Variants in PTPRD observed in about 807,000 individuals in gnomAD.
PTPRD encodes the protein receptor-type tyrosine-protein phosphatase delta.
In PTPRD, 34 loss-of-function variants were observed where a neutral mutation model predicts 214.5. The ratio of observed to expected loss-of-function variants is 0.16; its 90% CI spans 0.12 to 0.21. The LOEUF (loss-of-function observed/expected upper bound fraction) is 0.21. Ranked by LOEUF, PTPRD falls within the 10% of genes least tolerant of loss-of-function variation. The probability of loss-of-function intolerance (pLI) is 1.00; values close to 1 mark genes in which losing one functional copy is unlikely to be tolerated. For missense variants in PTPRD, 2,545 were observed against 2,398.7 expected (o/e 1.06, Z -1.27); for synonymous variants, 1,128 against 845.7 (o/e 1.33, Z -5.79).
chr9:9,451,243 A>T (rs2092088884), intron 8 of PTPRD, among the ~76,000 whole-genome samples: 1 of 151,746 alleles, frequency 6.6e-6, no homozygotes, highest in African/African-American at 2.4e-5. Context: ...TAAATCTGAG[A>T]ACCTAAGGAA....
chr9:9,556,573 C>G (rs1188701098), intron 8 of PTPRD, among the ~76,000 whole-genome samples: 1 of 152,166 alleles, frequency 6.6e-6, no homozygotes, highest in East Asian at 1.9e-4. Context: ...TGCCTGGTGC[C>G]TTCCCACATT....
chr9:9,690,180 A>T (rs1228544695), intron 7 of PTPRD, among the ~76,000 whole-genome samples: 1 of 151,792 alleles, frequency 6.6e-6, no homozygotes, highest in African/African-American at 2.4e-5. Flanking sequence ...GATATAAGCC[A>T]TTTTAAGTGG....
At chr9:10,459,440 G>A (rs902917094) in intron 2 of PTPRD, among the ~76,000 whole-genome samples, 9 of 152,042 alleles carry the variant, frequency 5.9e-5, no homozygotes, top group African/African-American at 1.9e-4. Context: ...TGGGTCAAAT[G>A]GTATTACTGG....
At chr9:9,261,600 C>T (rs1339339652) in intron 9 of PTPRD, among the ~76,000 whole-genome samples, 2 of 151,180 alleles carry the variant, frequency 1.3e-5, no homozygotes, top group Non-Finnish European at 3.0e-5. Context: ...TGGTAGAAAG[C>T]AAACCTCTAA....
rs539767972 is a variant in PTPRD at position 9,828,862 on chromosome 9, G to C, written c.-367-62011C>G. ...AAGAAGATAACCACAAAATGTATTAGATGGTGCTCACTTCCATTTAACTCT... is the reference window on the plus strand; with the variant it reads ...AAGAAGATAACCACAAAATGTATTACATGGTGCTCACTTCCATTTAACTCT... On this transcript the variant is annotated intron_variant, in intron 5 of 45. Transcript: ENST00000381196. Among the ~76,000 whole-genome samples the C allele has an allele frequency of 6.6e-5, 10 of 151,952 alleles. No individual in the cohort carries two copies. The South Asian group carries it at 1.9e-3, about 28-fold the overall frequency.
chr9:10,557,396 T>G (rs1590857541), intron 2 of PTPRD, among the ~76,000 whole-genome samples: 1 of 152,234 alleles, frequency 6.6e-6, no homozygotes, highest in East Asian at 1.9e-4. Context: ...TCTCCCTCTC[T>G]CCTCCCTCTC....
chr9:8,319,223 T>C (rs1824836193), intron 45 of PTPRD, among the ~76,000 whole-genome samples: 1 of 152,106 alleles, frequency 6.6e-6, no homozygotes, highest in African/African-American at 2.4e-5. Context: ...ACATAAACTC[T>C]ATCAGTAATA....
chr9:9,742,627 C>T (rs979680143), intron 6 of PTPRD, among the ~76,000 whole-genome samples: 2 of 150,664 alleles, frequency 1.3e-5, no homozygotes, highest in African/African-American at 2.4e-5. Context: ...GAGCCATATT[C>T]TTTATCAACC....
chr9:9,253,208 G>A (rs73641275), intron 9 of PTPRD, among the ~76,000 whole-genome samples: 11,907 of 152,004 alleles, frequency 0.078, 540 homozygotes, highest in Middle Eastern at 0.18. Flanking sequence ...CAGTGTAAAT[G>A]TTTTTAGAAA....
chr9:8,333,979 G>A (rs1382995551), intron 43 of PTPRD, among the ~76,000 whole-genome samples: 1 of 152,110 alleles, frequency 6.6e-6, no homozygotes, highest in Non-Finnish European at 1.5e-5. Flanking sequence ...ACGAAGAAGA[G>A]TTAACTATCC....
rs567367956 is a variant in PTPRD at position 9,931,705 on chromosome 9, C to G, written c.-368+6802G>C. Among the ~76,000 whole-genome samples the G allele has an allele frequency of 4.0e-5, 6 of 151,612 alleles. No individual in the cohort carries two copies. In the East Asian group the frequency reaches 1.2e-3, roughly 30 times the overall value. On this transcript the variant is annotated intron_variant, in intron 5 of 45. Transcript: ENST00000381196. ...AGGTAAACAAAGCAGCTGGGAAGCT[C>G]GAACTGGGTGGAGTCCACCACAGCT...
intron 11 of PTPRD, among the ~76,000 whole-genome samples, chr9:8,792,880 T>C (rs1293594034): frequency 6.6e-6 from 1 of 152,146 alleles, no homozygotes; most frequent in Non-Finnish European, 1.5e-5. Context: ...GTAATATGAT[T>C]CCTTAATCAA....
chr9:9,632,746 A>G (rs1370443454), intron 7 of PTPRD, among the ~76,000 whole-genome samples: 2 of 152,202 alleles, frequency 1.3e-5, no homozygotes, highest in Non-Finnish European at 2.9e-5. Flanking sequence ...CTGACAAACT[A>G]TAAAATAAAT....
rs2097073100 is a variant in PTPRD at position 10,346,007 on chromosome 9, T to C, written c.-599-4990A>G. ...GCGGTTTTGATTTGCAGTCCTCTAA[T>C]AACCAATATCAATCATTTAACCTCT... On this transcript the variant is annotated intron_variant, in intron 2 of 45. Transcript: ENST00000381196. 2.0e-5 allele frequency among the ~76,000 whole-genome samples: 3 copies of C among 152,196 alleles called. No homozygotes were observed. In the South Asian group the frequency reaches 6.2e-4, roughly 32 times the overall value.
intron 35 of PTPRD, among the ~76,000 whole-genome samples, chr9:8,428,675 G>C (rs2094850274): frequency 6.6e-6 from 1 of 151,840 alleles, no homozygotes; most frequent in Admixed American, 6.6e-5. Context: ...AAAAAAAATT[G>C]TGTGTGTGTG....
chr9:10,039,934 T>A (rs1176422057), intron 3 of PTPRD, among the ~76,000 whole-genome samples: 1 of 152,106 alleles, frequency 6.6e-6, no homozygotes, highest in African/African-American at 2.4e-5. Flanking sequence ...TTATTCTAAT[T>A]TCTAAGGAAA....
intron 7 of PTPRD, among the ~76,000 whole-genome samples, chr9:9,607,258 T>C (rs2094222207): frequency 6.6e-6 from 1 of 152,126 alleles, no homozygotes; most frequent in African/African-American, 2.4e-5. Context: ...CTGGAGTCTA[T>C]GGGGATTACT....
At chr9:10,512,932 C>T (rs895838940) in intron 2 of PTPRD, among the ~76,000 whole-genome samples, 14 of 151,762 alleles carry the variant, frequency 9.2e-5, no homozygotes, top group Admixed American at 7.2e-4. Flanking sequence ...GTCAAGAGGA[C>T]TGAAATTACT....
chr9:9,418,685 T>C (rs184609304), intron 8 of PTPRD, among the ~76,000 whole-genome samples: 1 of 152,136 alleles, frequency 6.6e-6, no homozygotes, highest in Admixed American at 6.5e-5. Flanking sequence ...CATCATAAGA[T>C]ACCTGAGCAA....
Sources: allele counts gnomAD v4.1 joint callset (sites outside exome capture counted in the v4.1 genomes callset), GRCh38; gene constraint gnomAD v4.1.1; transcripts MANE v1.5; gene names NCBI Gene and HGNC (gene_info 2026-07-23, HGNC 2026-07-21).